The following GALNT8 variants were observed in gnomAD, a reference collection of about 807,000 sequenced individuals.
GALNT8 encodes the protein polypeptide N-acetylgalactosaminyltransferase 8.
Under a neutral mutation model 62.7 loss-of-function variants are expected in GALNT8, and 66 were observed. The ratio of observed to expected loss-of-function variants is 1.05; its 90% CI spans 0.86 to 1.29. GALNT8 has a LOEUF of 1.29. GALNT8 is among the 50% of genes most tolerant of loss of function. GALNT8 has a pLI of 0.00. For missense variants in GALNT8, 771 were observed against 791.8 expected, an observed-to-expected ratio of 0.97 and a Z score of 0.32; for synonymous variants, 288 against 294.3, an observed-to-expected ratio of 0.98 and a Z score of 0.22.
At chr12:4,761,248 A>ATTCT in intron 7 of GALNT8, 105 bp downstream of exon 7, 2 of 872,522 alleles carry the variant, frequency 2.3e-6, no homozygotes, top group Non-Finnish European at 3.6e-6. Context: ...GCCCTAAAGA[A>ATTCT]TTAGGGTAAG....
intron 3 of GALNT8, among the ~76,000 whole-genome samples, chr12:4,743,626 C>A (rs144511149): frequency 1.7e-3 from 259 of 152,286 alleles, no homozygotes; most frequent in Admixed American, 3.3e-3. Flanking sequence ...GGTGGCTAAA[C>A]ACAGCATAGG....
intron 1 of GALNT8, among the ~76,000 whole-genome samples, chr12:4,721,520 G>T: frequency 6.6e-6 from 1 of 152,130 alleles, no homozygotes; most frequent in Non-Finnish European, 1.5e-5. Flanking sequence ...CATAGACAAG[G>T]TAAAGAATTA....
At position 4,761,742 on chromosome 12, in the gene GALNT8, T is replaced by G. The variant is rs1946373954; in HGVS notation, c.1359+599T>G. On this transcript the variant is annotated intron_variant, in intron 7 of 10. Transcript: ENST00000252318. ...CCCAGCCAAGGTTGGCCTTCTGAGC[T>G]AAGCCCACATCTTATACACTGGCTG... 2.0e-5 allele frequency among the ~76,000 whole-genome samples: 3 copies of G among 152,164 alleles called. No individual in the cohort carries two copies. The South Asian group carries it at 6.2e-4, about 32-fold the overall frequency.
At chr12:4,770,405 G>C (rs571777254) in intron 10 of GALNT8, among the ~76,000 whole-genome samples, 1 of 152,134 alleles carries the variant, frequency 6.6e-6, no homozygotes, top group South Asian at 2.1e-4. Context: ...ACTAGAGGAT[G>C]TGTGGAACAC....
At chr12:4,727,905 T>G (rs1297107333) in intron 2 of GALNT8, among the ~76,000 whole-genome samples, 1 of 152,210 alleles carries the variant, frequency 6.6e-6, no homozygotes, top group East Asian at 1.9e-4. Context: ...CTGGGCCATA[T>G]GATAATTCTG....
intron 9 of GALNT8, 61 bp from the exon 10 acceptor site, chr12:4,765,318 C>T: frequency 1.4e-6 from 2 of 1,434,616 alleles, no homozygotes; most frequent in Non-Finnish European, 9.2e-7. Context: ...CTAGGGTCTC[C>T]TGCTGGCTGA....
intron 6 of GALNT8, among the ~76,000 whole-genome samples, chr12:4,756,789 A>C (rs1946346981): frequency 6.6e-6 from 1 of 152,216 alleles, no homozygotes; most frequent in African/African-American, 2.4e-5. Context: ...ATGAATTTTG[A>C]GTCTTTTCTG....
intron 3 of GALNT8, among the ~76,000 whole-genome samples, chr12:4,742,704 A>G (rs972335092): frequency 3.3e-5 from 5 of 152,034 alleles, no homozygotes; most frequent in African/African-American, 1.2e-4. Flanking sequence ...CAGCAGAGAA[A>G]ATGAGGGAAG....
At chr12:4,764,530 A>ATTTTTTTTTTTTTTTTTTTTTTTTTT (rs58809573) in intron 9 of GALNT8, among the ~76,000 whole-genome samples, 1 of 102,222 alleles carries the variant, frequency 9.8e-6, no homozygotes, top group Non-Finnish European at 1.9e-5. Context: ...CAGTCAGGGG[A>ATTTTTTTTTTTTTTTTTTTTTTTTTT]TTTTTTTTTT....
chr12:4,720,782 C>T lies in GALNT8; in HGVS notation c.105C>T (p.Asn35=), dbSNP rs1946162956. Residue 35 remains asparagine, a synonymous_variant, in exon 1 of 11, where the codon AAC becomes AAT. Coordinates refer to ENST00000252318, the MANE Select transcript of GALNT8 (RefSeq NM_017417.2). ...LVFSSKGTLQ[N]LFTGGLHREL... ...TTTCTAGCAAGGGGACTTTACAAAA[C>T]CTGTTTACGGGTGGTCTCCACAGGG... The T allele has an allele frequency of 3.7e-6, 6 of 1,612,296 alleles. No homozygotes were observed. The highest frequency in any genetic ancestry group is 5.1e-6 in the Non-Finnish European group (6 of 1,178,316).
intron 8 of GALNT8, among the ~76,000 whole-genome samples, chr12:4,763,615 G>A (rs965481232): frequency 1.3e-5 from 2 of 151,862 alleles, no homozygotes; most frequent in African/African-American, 4.8e-5. Flanking sequence ...TATAGCTCTT[G>A]CCTGGACTCC....
At position 4,726,179 on chromosome 12, in the gene GALNT8, A is replaced by G. The variant is rs555425746; in HGVS notation, c.212-353A>G. ...GGGTATCTACATTAAAAAAAAAATC[A>G]CAACTGATTGATTCTGATGTAAGTG... On this transcript the variant is annotated intron_variant, in intron 1 of 10. Transcript: ENST00000252318. This position sits in a 1 kb window ranked among gnomAD's most constrained non-coding sequence, Gnocchi z 4.1. Among the ~76,000 whole-genome samples, 51 of 152,278 alleles carry G rather than the reference A, an allele frequency of 3.3e-4. No homozygotes were observed. Among genetic ancestry groups the G allele is most frequent in the African/African-American group, 1.2e-3 (51 of 41,538 alleles).
intron 1 of GALNT8, among the ~76,000 whole-genome samples, chr12:4,721,739 G>A (rs911106299): frequency 2.0e-5 from 3 of 151,854 alleles, no homozygotes; most frequent in East Asian, 3.9e-4. Flanking sequence ...GCAGAAAGGC[G>A]TTCCTTCCTC....
intron 6 of GALNT8, among the ~76,000 whole-genome samples, chr12:4,752,880 G>T (rs1057114294): frequency 4.6e-5 from 7 of 152,142 alleles, no homozygotes; most frequent in African/African-American, 1.7e-4. Flanking sequence ...AAGTCTTTCA[G>T]CTTTTGTTTT....
At chr12:4,760,740 T>C (rs1159568439) in intron 6 of GALNT8, among the ~76,000 whole-genome samples, 1 of 152,144 alleles carries the variant, frequency 6.6e-6, no homozygotes, top group Non-Finnish European at 1.5e-5. Flanking sequence ...GAAGTATGAT[T>C]CAGGAGTTGT....
rs1213919958 is a variant in GALNT8, at chr12:4,772,559, C to T, written c.1876C>T (p.His626Tyr). The part of the protein sequence containing the change: ...TCSTQVWEIQ[H>Y]TVRDWGQTNS... ...TAGCACGCAAGTGTGGGAAATCCAG[C>T]ACACTGTCAGAGACTGGGGTCAGAC... The change falls in exon 11 of 11, where the codon CAC becomes TAC. Residue 626 changes from histidine (H) to tyrosine (Y), a missense_variant. Physicochemically the swap from His to Tyr is moderately conservative, Grantham distance 83. Transcript: ENST00000252318. 1.2e-6 allele frequency: 2 copies of T among 1,613,792 alleles called. No homozygotes were observed. Among genetic ancestry groups the T allele is most frequent in the Admixed American group, 1.7e-5 (1 of 60,006 alleles).
In GALNT8 at chr12:4,745,313, G is replaced by A. The variant is rs776625531; in HGVS notation, c.861-116G>A. On this transcript the variant is annotated intron_variant, in intron 4 of 10. Transcript: ENST00000252318. ...AGAGTTCTACTCACAACCCAGTACA[G>A]CCTAAATGGAGGAGGTACTCAATGT... The A allele has an allele frequency of 1.0e-5, 7 of 702,720 alleles. No homozygotes were observed. In the East Asian group the frequency reaches 1.0e-4, roughly 10 times the overall value. The allele number at this position is 702,720 out of a possible 1,614,324, so 43.5% of individuals were successfully genotyped here.
chr12:4,760,032 T>C (rs1946364420), intron 6 of GALNT8, among the ~76,000 whole-genome samples: 1 of 152,248 alleles, frequency 6.6e-6, no homozygotes, highest in African/African-American at 2.4e-5. Context: ...TCTATTGCTG[T>C]ATAACGATGT....
chr12:4,743,557 G>A (rs186665125), intron 3 of GALNT8, among the ~76,000 whole-genome samples: 106 of 152,310 alleles, frequency 7.0e-4, no homozygotes, highest in Non-Finnish European at 1.6e-4. Context: ...AGAGGAGAGG[G>A]AGGGAGGACT....
Sources: allele counts gnomAD v4.1 joint callset (sites outside exome capture counted in the v4.1 genomes callset), GRCh38; gene constraint gnomAD v4.1.1; non-coding constraint Gnocchi (gnomAD v3.1); transcripts MANE v1.5; gene names NCBI Gene and HGNC (gene_info 2026-07-23, HGNC 2026-07-21).